CABLES1: variants seen among roughly 807,000 people sequenced by gnomAD.
CABLES1 encodes CDK5 and ABL1 enzyme substrate 1.
A neutral mutation model predicts 57.8 loss-of-function variants in CABLES1; 36 were observed. The ratio of observed to expected loss-of-function variants is 0.62; its 90% CI spans 0.48 to 0.82. CABLES1 has a LOEUF of 0.82. Ranked by LOEUF, CABLES1 falls within the 40% of genes least tolerant of loss-of-function variation. The pLI, the probability that CABLES1 is intolerant of heterozygous loss-of-function variation, is 0.00. For missense variants in CABLES1, 767 were observed against 836.6 expected (o/e 0.92, Z 1.03); for synonymous variants, 374 against 363.0 (o/e 1.03, Z -0.35).
At chr18:23,193,944 C>G (rs1299091820) in intron 2 of CABLES1, among the ~76,000 whole-genome samples, 2 of 152,202 alleles carry the variant, frequency 1.3e-5, no homozygotes, top group African/African-American at 4.8e-5. Flanking sequence ...TGTGACCTCC[C>G]AGGCATAGCA....
At chr18:23,211,867 C>T (rs1463873725) in intron 3 of CABLES1, among the ~76,000 whole-genome samples, 2 of 152,248 alleles carry the variant, frequency 1.3e-5, no homozygotes, top group Non-Finnish European at 2.9e-5. Flanking sequence ...AGCTCTGTTG[C>T]TGGGCTCCAT....
chr18:23,201,516 C>T (rs981548483), intron 3 of CABLES1, among the ~76,000 whole-genome samples: 1 of 152,146 alleles, frequency 6.6e-6, no homozygotes, highest in East Asian at 1.9e-4. Flanking sequence ...TGTCATATGA[C>T]TCCATTTATA....
intron 1 of CABLES1, among the ~76,000 whole-genome samples, chr18:23,174,014 C>T (rs538878633): frequency 1.3e-5 from 2 of 152,294 alleles, no homozygotes; most frequent in East Asian, 3.9e-4. Flanking sequence ...TTAGTACATT[C>T]ACAAGCTTGT....
intron 1 of CABLES1, among the ~76,000 whole-genome samples, chr18:23,187,491 A>G (rs1436209734): frequency 6.6e-6 from 1 of 152,180 alleles, no homozygotes; most frequent in African/African-American, 2.4e-5. Context: ...GGTTCACGCC[A>G]TTCTCCTGCC....
In CABLES1 at chr18:23,161,872, G is replaced by A. The variant is rs550915244; in HGVS notation, c.845+25265G>A. 8.6e-5 allele frequency among the ~76,000 whole-genome samples: 13 copies of A among 151,852 alleles called. No individual in the cohort carries two copies. The East Asian group carries it at 2.5e-3, about 29-fold the overall frequency. The stretch of plus-strand genomic sequence containing the variant: ...GGGAGGCGGAGCTTGCAGTGAGCCA[G>A]GATTGTGCCACTGCACTCCAGCCTG... On this transcript the variant is annotated intron_variant, in intron 1 of 9. Transcript: ENST00000256925.
intron 3 of CABLES1, among the ~76,000 whole-genome samples, chr18:23,204,230 T>C (rs2047346579): frequency 6.6e-6 from 1 of 152,224 alleles, no homozygotes; most frequent in African/African-American, 2.4e-5. Context: ...TTCCCGGCGG[T>C]GTGCTGGGTC....
In CABLES1 at chr18:23,258,543, A is replaced by T. The variant is rs2048222023; in HGVS notation, c.*1176A>T. ...TGGGACAGTCTGTATGAGGCATGTC[A>T]CCACACTGTCGCCTCATAGCTGCAA... On this transcript the variant is annotated 3_prime_UTR_variant, in exon 10 of 10. Transcript: ENST00000256925. The T allele has an allele frequency of 6.6e-6, 1 of 152,186 alleles. No individual in the cohort carries two copies. The highest frequency in any genetic ancestry group is 2.4e-5 in the African/African-American group (1 of 41,430). 9.4% of individuals were successfully genotyped at this position (152,186 alleles called of 1,614,324 possible).
At position 23,257,322 on chromosome 18, in the gene CABLES1, G is replaced by T; in HGVS notation, c.1857G>T (p.Glu619Asp). 6.2e-7 allele frequency: 1 copy of T among 1,613,860 alleles called. No individual in the cohort carries two copies. Among genetic ancestry groups the T allele is most frequent in the Non-Finnish European group, 8.5e-7 (1 of 1,179,966 alleles). ...TGGAATTCGCCCTCCACTTGCCCGA[G>T]CACGAAGTCATGCCCCACTACAGAC... Reference protein sequence around the residue: ...VALEFALHLPEHEVMPHYRRL... With the variant: ...VALEFALHLPDHEVMPHYRRL... Residue 619 changes from glutamate to aspartate, a missense_variant, in exon 10 of 10, where the codon GAG (glutamate) becomes GAT (aspartate). This residue lies in a region of CABLES1 where 25 missense variants were observed against 23.1 expected (regional missense o/e 1.08). Transcript: ENST00000256925.
At chr18:23,146,409 T>C (rs1179614460) in intron 1 of CABLES1, among the ~76,000 whole-genome samples, 1 of 152,190 alleles carries the variant, frequency 6.6e-6, no homozygotes, top group African/African-American at 2.4e-5. Flanking sequence ...GTTCAAGCGA[T>C]TGGCCAGGCT....
At chr18:23,243,147 C>T (rs1598859608) in intron 7 of CABLES1, among the ~76,000 whole-genome samples, 1 of 151,984 alleles carries the variant, frequency 6.6e-6, no homozygotes, top group Admixed American at 6.5e-5. Context: ...GCACTTGTTA[C>T]CTGTCTGCAG....
intron 6 of CABLES1, among the ~76,000 whole-genome samples, chr18:23,236,784 G>C (rs1446567281): frequency 6.6e-6 from 1 of 152,190 alleles, no homozygotes; most frequent in Non-Finnish European, 1.5e-5. Flanking sequence ...CTCCAAATTT[G>C]ATCTGCAAGT....
chr18:23,237,688 A>G (rs1163143829), intron 7 of CABLES1, among the ~76,000 whole-genome samples: 1 of 152,258 alleles, frequency 6.6e-6, no homozygotes, highest in Non-Finnish European at 1.5e-5. Context: ...CTCCTGGGAA[A>G]GTGAAAGTAG....
chr18:23,214,220 G>A, intron 4 of CABLES1, 166 bp downstream of exon 4: 1 of 571,558 alleles, frequency 1.7e-6, no homozygotes. Flanking sequence ...TTTCTTTTCA[G>A]CCAGAAAGCT....
chr18:23,135,103 G>A (rs2046807865), upstream of CABLES1, among the ~76,000 whole-genome samples: 1 of 152,164 alleles, frequency 6.6e-6, no homozygotes, highest in Non-Finnish European at 1.5e-5. Flanking sequence ...ACTCTCCCAG[G>A]AGCACAGCCC....
chr18:23,201,884 T>TGTGAGGGAG (rs540436825), intron 3 of CABLES1, among the ~76,000 whole-genome samples: 177 of 150,908 alleles, frequency 1.2e-3, no homozygotes, highest in African/African-American at 3.7e-3. Flanking sequence ...ACAGTGGAGG[T>TGTGAGGGAG]GTGAGGGAGG....
chr18:23,156,005 T>G, intron 1 of CABLES1: 1 of 1,605,776 alleles, frequency 6.2e-7, no homozygotes, highest in South Asian at 1.1e-5. Flanking sequence ...TCTGTTTTTT[T>G]GGCTCCCCCC....
Position 23,136,141 on chromosome 18 carries a change from ACGCCGGCTGCGGGGTTAGCCGCTGGGTC to A in CABLES1, c.382_409del (p.Pro128AlafsTer13), listed in dbSNP as rs2046818629. ...CTGCATCGCGCTCGCCGCGCCGGGC[ACGCCGGCTGCGGGGTTAGCCGCTGGGTC>A]CGGCCCCTGCCTCCCACAGCCCTCG... On this transcript the variant is annotated frameshift_variant, in exon 1 of 10. Coordinates refer to ENST00000256925, the MANE Select transcript of CABLES1 (RefSeq NM_001100619.3). LOFTEE classifies it high-confidence loss of function. The A allele has an allele frequency of 8.3e-7, 1 of 1,202,438 alleles. No individual in the cohort carries two copies. The highest frequency in any genetic ancestry group is 1.6e-5 in the African/African-American group (1 of 62,972). 74.5% of individuals were successfully genotyped at this position (1,202,438 alleles called of 1,614,324 possible). A position where few individuals can be genotyped will look rare whatever the true frequency, so the allele number is the denominator to read the frequency against.
At chr18:23,183,488 T>C (rs191151094) in intron 1 of CABLES1, among the ~76,000 whole-genome samples, 1 of 152,324 alleles carries the variant, frequency 6.6e-6, no homozygotes, top group East Asian at 1.9e-4. Flanking sequence ...AAGGATATTG[T>C]AAAACAGGCG....
intron 1 of CABLES1, among the ~76,000 whole-genome samples, chr18:23,139,377 T>C (rs2046843351): frequency 7.9e-6 from 1 of 126,944 alleles, no homozygotes; most frequent in Non-Finnish European, 1.6e-5. Context: ...CACTCCAGCC[T>C]GGGCAACAAG....
Sources: gnomAD v4.1 joint callset for allele counts (sites outside exome capture counted in the v4.1 genomes callset) on GRCh38, gnomAD v4.1.1 for gene constraint, gnomAD v4.1.1 regional missense constraint, MANE v1.5 for transcripts, NCBI Gene and HGNC (gene_info 2026-07-23, HGNC 2026-07-21) for gene names.